PIK3R3: variants seen among roughly 807,000 people sequenced by gnomAD.
PIK3R3 encodes phosphatidylinositol 3-kinase regulatory subunit gamma.
PIK3R3 carries 64 observed loss-of-function variants against 62.9 expected under a neutral mutation model. That is an observed-to-expected ratio of 1.02 (90% CI 0.83 to 1.25). The LOEUF (loss-of-function observed/expected upper bound fraction) is 1.25. Ranked by LOEUF, PIK3R3 falls within the 50% of genes most tolerant of loss-of-function variation. PIK3R3 has a pLI of 0.00. For synonymous variants in PIK3R3, 165 were observed against 189.0 expected, an observed-to-expected ratio of 0.87 and a Z score of 1.04; for missense variants, 614 against 561.6, an observed-to-expected ratio of 1.09 and a Z score of -0.94.
the PIK3R3 span, among the ~76,000 whole-genome samples, chr1:46,168,473 C>T: frequency 6.6e-6 from 1 of 152,184 alleles, no homozygotes; most frequent in Admixed American, 6.5e-5. Context: ...TTCACCCTTC[C>T]AGTGAGGGAG....
the PIK3R3 span, among the ~76,000 whole-genome samples, chr1:46,141,115 C>CTCCCAAGGTGCTGG: frequency 6.6e-6 from 1 of 151,956 alleles, no homozygotes; most frequent in African/African-American, 2.4e-5. Context: ...CCACCTTGGC[C>CTCCCAAGGTGCTGG]TCCCAAGGTG....
chr1:46,118,662 T>G (rs971595391), intron 1 of PIK3R3, among the ~76,000 whole-genome samples: 1 of 151,766 alleles, frequency 6.6e-6, no homozygotes, highest in African/African-American at 2.4e-5. Flanking sequence ...TTCAAGCGAT[T>G]CTGCTGCCTC....
At chr1:46,165,236 C>T in the PIK3R3 span, among the ~76,000 whole-genome samples, 1 of 151,880 alleles carries the variant, frequency 6.6e-6, no homozygotes, top group Admixed American at 6.6e-5. Flanking sequence ...ATTTAGGGAG[C>T]ACTATTCAAA....
chr1:46,140,175 G>A, the PIK3R3 span, among the ~76,000 whole-genome samples: 2 of 152,160 alleles, frequency 1.3e-5, no homozygotes, highest in African/African-American at 2.4e-5. Flanking sequence ...TTTATTTTTT[G>A]TAGAGACAGG....
rs1222787704 is a variant in PIK3R3, at chr1:46,044,432, A to T, written c.1188-561T>A. ...GACTGCAGCCAAGTCCTGAACCTAC[A>T]GGCTGCCACCCAATAACCTGAGTGA... On this transcript the variant is annotated intron_variant, in intron 9 of 9. Coordinates refer to ENST00000262741, the MANE Select transcript of PIK3R3 (RefSeq NM_003629.4). This position sits in a 1 kb window ranked among gnomAD's most constrained non-coding sequence, Gnocchi z 4.2. Among the ~76,000 whole-genome samples, 1 of 152,162 alleles carries T rather than the reference A, an allele frequency of 6.6e-6. No individual in the cohort carries two copies. The highest frequency in any genetic ancestry group is 2.4e-5 in the African/African-American group (1 of 41,438).
chr1:46,043,033 A>G lies in PIK3R3; in HGVS notation c.*640T>C, dbSNP rs917207128. ...ACTGTTTTGTTGGCTTCTGAACATA[A>G]TACTTCTTCAGAGGGAGGGGCTGGT... On this transcript the variant is annotated 3_prime_UTR_variant, in exon 10 of 10. Coordinates refer to ENST00000262741, the MANE Select transcript of PIK3R3 (RefSeq NM_003629.4). 4.5e-6 allele frequency: 1 copy of G among 224,596 alleles called. No individual in the cohort carries two copies. Among genetic ancestry groups the G allele is most frequent in the African/African-American group, 2.2e-5 (1 of 44,898 alleles). 13.9% of individuals were successfully genotyped at this position (224,596 alleles called of 1,614,324 possible). A position where few individuals can be genotyped will look rare whatever the true frequency, so the allele number is the denominator to read the frequency against.
intron 1 of PIK3R3, among the ~76,000 whole-genome samples, chr1:46,094,523 C>T (rs1410884805): frequency 6.6e-6 from 1 of 152,146 alleles, no homozygotes; most frequent in African/African-American, 2.4e-5. Flanking sequence ...AGGGAAAAAA[C>T]TGACAGCTTT....
intron 3 of PIK3R3, among the ~76,000 whole-genome samples, chr1:46,071,757 A>AGAGAGAGAGC (rs1230737377): frequency 7.8e-6 from 1 of 128,252 alleles, no homozygotes; most frequent in African/African-American, 3.0e-5. Context: ...AGAGAGAGAG[A>AGAGAGAGAGC]GAGCGCGCGC....
chr1:46,126,968 T>C (rs910456140), intron 1 of PIK3R3, among the ~76,000 whole-genome samples: 7 of 152,086 alleles, frequency 4.6e-5, no homozygotes, highest in Admixed American at 4.6e-4. Flanking sequence ...TTTCTAGACT[T>C]TCCTATATTC....
At chr1:46,132,667 A>AG (rs1164850965), upstream of PIK3R3, 1 of 1,289,568 alleles carries the variant, frequency 7.8e-7, no homozygotes, top group Non-Finnish European at 1.0e-6. Flanking sequence ...AACGGCGCGG[A>AG]GGGGACACCC....
intron 9 of PIK3R3, 98 bp from the exon 10 acceptor site, chr1:46,043,969 A>T: frequency 9.2e-7 from 1 of 1,083,870 alleles, no homozygotes; most frequent in Non-Finnish European, 1.3e-6. Context: ...TATGCAAACA[A>T]GTGTTTTTTG....
At chr1:46,112,713 T>C (rs943977464) in intron 1 of PIK3R3, among the ~76,000 whole-genome samples, 3 of 152,160 alleles carry the variant, frequency 2.0e-5, no homozygotes, top group Admixed American at 2.0e-4. Flanking sequence ...AATATCTGAT[T>C]TACTATCATC....
At chr1:46,065,982 G>T in intron 5 of PIK3R3, 72 bp downstream of exon 5, 1 of 1,341,986 alleles carries the variant, frequency 7.5e-7, no homozygotes, top group Non-Finnish European at 1.1e-6. Flanking sequence ...AGATCATCAA[G>T]TGAATGATCG....
chr1:46,073,630 T>C (rs560220989), intron 3 of PIK3R3, among the ~76,000 whole-genome samples: 1 of 152,136 alleles, frequency 6.6e-6, no homozygotes, highest in African/African-American at 2.4e-5. Context: ...TGCCTTTCTT[T>C]TTTCTTTGAG....
chr1:46,055,851 C>T lies in PIK3R3; in HGVS notation c.885G>A (p.Met295Ile), dbSNP rs779256591. The change falls in exon 7 of 10, where the codon ATG (methionine) becomes ATA (isoleucine). Residue 295 changes from methionine (M) to isoleucine (I), a missense_variant. Met to Ile is a conservative substitution (Grantham distance 10). Transcript: ENST00000262741. ...GGATCAGGTCAGGTTTGATGCTATT[C>T]ATTTTTTTATCTATTTCTCGGTTGT... ...ALDNREIDKK[M>I]NSIKPDLIQL... is the part of the protein sequence containing the mutation. 1 of 1,609,960 alleles carries T rather than the reference C, an allele frequency of 6.2e-7. No homozygotes were observed. Among genetic ancestry groups the T allele is most frequent in the South Asian group, 1.1e-5 (1 of 90,826 alleles).
chr1:46,131,740 C>G lies in PIK3R3; in HGVS notation c.106+107G>C, dbSNP rs372090234. 1.6e-5 allele frequency: 17 copies of G among 1,084,464 alleles called. No homozygotes were observed. The African/African-American group carries it at 2.0e-4, about 13-fold the overall frequency. 67.2% of individuals were successfully genotyped at this position (1,084,464 alleles called of 1,614,324 possible). ...GCTGTAACTGCAAATCTCCTCATCC[C>G]GAACCTAGCGCACCCAGGAATACTT... On this transcript the variant is annotated intron_variant, in intron 1 of 9. Transcript: ENST00000262741.
rs77092903 is a variant in PIK3R3 at position 46,094,133 on chromosome 1, C to A, written c.107-13383G>T. On this transcript the variant is annotated intron_variant, in intron 1 of 9. Transcript: ENST00000262741. ...AGACACAAAACAAACCTAAAATATT[C>A]CATCAGATATTAAATTCTGACTATC... Among the ~76,000 whole-genome samples, 87 of 151,342 alleles carry A rather than the reference C, an allele frequency of 5.7e-4. No individual in the cohort carries two copies. In the East Asian group the frequency reaches 0.013, roughly 23 times the overall value.
At chr1:46,141,070 G>A in the PIK3R3 span, among the ~76,000 whole-genome samples, 1,540 of 151,772 alleles carry the variant, frequency 0.01, 22 homozygotes, top group Middle Eastern at 0.024. Context: ...CTGTTTCCCA[G>A]GCTGGTCTTG....
At chr1:46,115,825 T>G (rs1315562288) in intron 1 of PIK3R3, among the ~76,000 whole-genome samples, 1 of 152,234 alleles carries the variant, frequency 6.6e-6, no homozygotes, top group Non-Finnish European at 1.5e-5. Flanking sequence ...TAGCTTCTTT[T>G]CTTTGCTCTC....
Sources: allele counts gnomAD v4.1 joint callset (sites outside exome capture counted in the v4.1 genomes callset), GRCh38; gene constraint gnomAD v4.1.1; non-coding constraint Gnocchi (gnomAD v3.1); transcripts MANE v1.5; gene names NCBI Gene and HGNC (gene_info 2026-07-23, HGNC 2026-07-21).